ALG14: variants seen among roughly 807,000 people sequenced by gnomAD.
ALG14 encodes the protein ALG14 UDP-N-acetylglucosaminyltransferase subunit, also known as UDP-N-acetylglucosamine transferase subunit ALG14.
Under a neutral mutation model 22.8 loss-of-function variants are expected in ALG14, and 17 were observed. That is an observed-to-expected ratio of 0.75 (90% CI 0.51 to 1.12). ALG14 has a LOEUF of 1.12. ALG14 is among the 50% of genes most tolerant of loss of function. The pLI, the probability that ALG14 is intolerant of heterozygous loss-of-function variation, is 0.00. For missense variants in ALG14, 288 were observed against 271.8 expected, an observed-to-expected ratio of 1.06 and a Z score of -0.42; for synonymous variants, 89 against 103.7, an observed-to-expected ratio of 0.86 and a Z score of 0.86.
At chr1:95,003,616 T>C (rs1258674491) in intron 3 of ALG14, among the ~76,000 whole-genome samples, 1 of 151,850 alleles carries the variant, frequency 6.6e-6, no homozygotes. Context: ...GCCTGGCTAA[T>C]TTTTTAAAAA....
At chr1:95,022,540 G>A (rs1205645935) in intron 3 of ALG14, among the ~76,000 whole-genome samples, 3 of 152,142 alleles carry the variant, frequency 2.0e-5, no homozygotes, top group Non-Finnish European at 4.4e-5. Context: ...GCGCATATAT[G>A]GAGAGGAAAC....
intron 3 of ALG14, among the ~76,000 whole-genome samples, chr1:95,018,271 C>G (rs967684483): frequency 4.6e-5 from 7 of 152,072 alleles, no homozygotes; most frequent in Admixed American, 4.6e-4. Context: ...CGCGGTGGTT[C>G]AGGTCTGTAA....
intron 3 of ALG14, among the ~76,000 whole-genome samples, chr1:94,999,689 C>T (rs964953088): frequency 1.2e-4 from 18 of 152,292 alleles, no homozygotes; most frequent in Middle Eastern, 3.4e-3. Context: ...GTCTTTCCCA[C>T]GCTGGATTCC....
Position 94,974,830 on chromosome 1 carries a change from A to G in ALG14, c.*8246T>C, listed in dbSNP as rs1672364337. The G allele has an allele frequency of 6.6e-6, 1 of 152,246 alleles. No homozygotes were observed. Among genetic ancestry groups the G allele is most frequent in the East Asian group, 1.9e-4 (1 of 5,200 alleles). 9.4% of individuals were successfully genotyped at this position (152,246 alleles called of 1,614,324 possible). A position where few individuals can be genotyped will look rare whatever the true frequency, so the allele number is the denominator to read the frequency against. On this transcript the variant is annotated 3_prime_UTR_variant, in exon 4 of 4. Coordinates refer to ENST00000370205, the MANE Select transcript of ALG14 (RefSeq NM_144988.4). ...TGTGGATCAGCAAATCACAGGGCAC[A>G]GAAGGGAGAGCTTTTCTCTCTTCCA...
intron 3 of ALG14, among the ~76,000 whole-genome samples, chr1:95,002,029 T>G (rs1227973985): frequency 6.6e-6 from 1 of 152,248 alleles, no homozygotes; most frequent in Non-Finnish European, 1.5e-5. Flanking sequence ...TCATATGATG[T>G]TCTATTTCCA....
chr1:95,070,022 A>G (rs888315534), intron 1 of ALG14, among the ~76,000 whole-genome samples: 2 of 152,184 alleles, frequency 1.3e-5, no homozygotes, highest in African/African-American at 2.4e-5. Context: ...ACACATAGCA[A>G]GACACCATCT....
intron 2 of ALG14, among the ~76,000 whole-genome samples, chr1:95,053,010 G>A (rs971452579): frequency 6.6e-6 from 1 of 152,064 alleles, no homozygotes; most frequent in African/African-American, 2.4e-5. Flanking sequence ...AAAGGTCTAA[G>A]TAAAAAGGAC....
intron 1 of ALG14, among the ~76,000 whole-genome samples, chr1:95,072,509 G>GA (rs2100855764): frequency 6.6e-6 from 1 of 152,180 alleles, no homozygotes; most frequent in Non-Finnish European, 1.5e-5. Context: ...CTAATTGTTT[G>GA]AAAAATATAC....
At chr1:94,997,972 T>C (rs1672951835) in intron 3 of ALG14, among the ~76,000 whole-genome samples, 1 of 152,168 alleles carries the variant, frequency 6.6e-6, no homozygotes. Flanking sequence ...AGGCATCTCC[T>C]GTTGGGGCAA....
rs1674628046 is a variant in ALG14, at chr1:95,048,318, A to AT, written c.288+16547dup. On this transcript the variant is annotated intron_variant, in intron 2 of 3. Coordinates refer to ENST00000370205, the MANE Select transcript of ALG14 (RefSeq NM_144988.4). ...TTGTTTTATATATGAAAAACTCTAT[A>AT]TTTTTTTAAATGCAGGTTAAAAAAT... 2.6e-5 allele frequency among the ~76,000 whole-genome samples: 4 copies of AT among 152,278 alleles called. No homozygotes were observed. The South Asian group carries it at 8.3e-4, about 32-fold the overall frequency.
intron 3 of ALG14, among the ~76,000 whole-genome samples, chr1:95,001,285 C>CT (rs1673059551): frequency 6.6e-6 from 1 of 152,140 alleles, no homozygotes; most frequent in African/African-American, 2.4e-5. Context: ...GGTTTTTTCA[C>CT]TTTTTAAATT....
chr1:94,993,825 A>G (rs1672840523), intron 3 of ALG14, among the ~76,000 whole-genome samples: 1 of 152,184 alleles, frequency 6.6e-6, no homozygotes. Context: ...AGGCTCCAAA[A>G]TCCCCTCTAC....
intron 3 of ALG14, among the ~76,000 whole-genome samples, chr1:94,990,322 C>G (rs779369037): frequency 6.6e-6 from 1 of 152,110 alleles, no homozygotes; most frequent in African/African-American, 2.4e-5. Context: ...ATGGGGATGA[C>G]GTATTTGCTT....
At chr1:95,062,328 G>A (rs1675192302) in intron 2 of ALG14, 1 of 152,136 alleles carries the variant, frequency 6.6e-6, no homozygotes, top group Admixed American at 6.5e-5. Flanking sequence ...TATGTGTGCA[G>A]GATGTGCAGG....
chr1:95,041,849 A>G (rs1674391498), intron 2 of ALG14, among the ~76,000 whole-genome samples: 1 of 152,138 alleles, frequency 6.6e-6, no homozygotes, highest in Non-Finnish European at 1.5e-5. Context: ...TGCAACCACC[A>G]AACTGCCACT....
chr1:95,014,681 C>T (rs999050007), intron 3 of ALG14, among the ~76,000 whole-genome samples: 8 of 152,080 alleles, frequency 5.3e-5, no homozygotes, highest in East Asian at 1.9e-4. Context: ...CTTATAATTA[C>T]AATTATTTAC....
rs1424209289 is a variant in ALG14 at position 94,978,403 on chromosome 1, G to C, written c.*4673C>G. On this transcript the variant is annotated 3_prime_UTR_variant, in exon 4 of 4. Coordinates refer to ENST00000370205, the MANE Select transcript of ALG14 (RefSeq NM_144988.4). ...AATTAGTGCCTATGTTTTGTACAGA[G>C]CTGTGGTGTAAATACTATCAAAAGT... 2.0e-5 allele frequency: 3 copies of C among 152,190 alleles called. No individual in the cohort carries two copies. The highest frequency in any genetic ancestry group is 6.5e-5 in the Admixed American group (1 of 15,272). The allele number at this position is 152,190 out of a possible 1,614,324, so 9.4% of individuals were successfully genotyped here.
intron 3 of ALG14, among the ~76,000 whole-genome samples, chr1:95,017,593 G>A (rs1673540136): frequency 6.6e-6 from 1 of 152,044 alleles, no homozygotes; most frequent in Non-Finnish European, 1.5e-5. Flanking sequence ...GTAGATGAGA[G>A]GAAGAAAGAG....
At position 94,979,498 on chromosome 1, in the gene ALG14, A is replaced by T. The variant is rs1672461129; in HGVS notation, c.*3578T>A. 1 of 151,842 alleles carries T rather than the reference A, an allele frequency of 6.6e-6. No individual in the cohort carries two copies. Among genetic ancestry groups the T allele is most frequent in the South Asian group, 2.1e-4 (1 of 4,826 alleles). The allele number at this position is 151,842 out of a possible 1,614,324, so 9.4% of individuals were successfully genotyped here. On this transcript the variant is annotated 3_prime_UTR_variant, in exon 4 of 4. Transcript: ENST00000370205. ...AGCTGGCTTAGGTTGTAACTATGGGACTGAAAAGGAAAGGGTAGATATGAA... is the reference window on the plus strand; with the variant it reads ...AGCTGGCTTAGGTTGTAACTATGGGTCTGAAAAGGAAAGGGTAGATATGAA...
Sources: gnomAD v4.1 joint callset for allele counts (sites outside exome capture counted in the v4.1 genomes callset) on GRCh38, gnomAD v4.1.1 for gene constraint, MANE v1.5 for transcripts, NCBI Gene and HGNC (gene_info 2026-07-23, HGNC 2026-07-21) for gene names.